Variants in GADL1 observed in about 807,000 individuals in gnomAD.
The protein encoded by GADL1 is acidic amino acid decarboxylase GADL1.
A neutral mutation model predicts 69.5 loss-of-function variants in GADL1; 71 were observed. The ratio of observed to expected loss-of-function variants is 1.02; its 90% CI spans 0.84 to 1.25. The LOEUF (loss-of-function observed/expected upper bound fraction) is 1.25, where lower values mean the gene tolerates loss of function less well. Among genes scored for constraint, GADL1 ranks in the 50% most tolerant of loss-of-function variants. GADL1 has a pLI of 0.00. For missense variants in GADL1, 737 were observed against 631.8 expected, an observed-to-expected ratio of 1.17 and a Z score of -1.79; for synonymous variants, 254 against 214.4, an observed-to-expected ratio of 1.18 and a Z score of -1.62.
In GADL1 at chr3:30,812,865, G is replaced by T. The variant is rs115488204; in HGVS notation, c.1051-11777C>A. 3.3e-3 allele frequency among the ~76,000 whole-genome samples: 507 copies of T among 152,162 alleles called. 1 individual carries two copies. The highest frequency in any genetic ancestry group is 0.012 in the African/African-American group (489 of 41,494). ...CTACAATATGGTAGGATTGGGAGGAGGACAGGAGGAAGGAGAGAAGAGAGA... is the reference window on the plus strand; with the variant it reads ...CTACAATATGGTAGGATTGGGAGGATGACAGGAGGAAGGAGAGAAGAGAGA... On this transcript the variant is annotated intron_variant, in intron 11 of 14. Coordinates refer to ENST00000282538, the MANE Select transcript of GADL1 (RefSeq NM_207359.3).
intron 1 of GADL1, among the ~76,000 whole-genome samples, chr3:30,864,867 G>A (rs545658169): frequency 8.6e-5 from 13 of 151,908 alleles, no homozygotes; most frequent in Non-Finnish European, 1.6e-4. Flanking sequence ...TACTGCAGTA[G>A]CCTCCCAACT....
At chr3:30,780,977 A>G (rs992109390) in intron 13 of GADL1, among the ~76,000 whole-genome samples, 4 of 151,922 alleles carry the variant, frequency 2.6e-5, no homozygotes, top group African/African-American at 4.8e-5. Context: ...TCAAAGCACT[A>G]ATGAGTATTT....
chr3:30,854,258 T>C (rs1464218985), intron 4 of GADL1, among the ~76,000 whole-genome samples: 1 of 152,196 alleles, frequency 6.6e-6, no homozygotes, highest in Admixed American at 6.6e-5. Flanking sequence ...TATGAATACT[T>C]AGAACACTTT....
At chr3:30,762,719 G>T (rs1696168068) in intron 14 of GADL1, among the ~76,000 whole-genome samples, 1 of 151,834 alleles carries the variant, frequency 6.6e-6, no homozygotes, top group Non-Finnish European at 1.5e-5. Context: ...TTTTATTTTG[G>T]ATCCATTAAC....
chr3:30,834,479 C>T lies in GADL1; in HGVS notation c.904-198G>A, dbSNP rs527346761. Among the ~76,000 whole-genome samples, 6 of 152,140 alleles carry T rather than the reference C, an allele frequency of 3.9e-5. No homozygotes were observed. In the East Asian group the frequency reaches 9.7e-4, roughly 25 times the overall value. ...CCAGAACCTCATCACAATAGATGGGCCCTCACTGACCCTTAGAATTATAAA... is the reference window on the plus strand; with the variant it reads ...CCAGAACCTCATCACAATAGATGGGTCCTCACTGACCCTTAGAATTATAAA... On this transcript the variant is annotated intron_variant, in intron 9 of 14. Transcript: ENST00000282538.
At chr3:30,759,604 T>G (rs1219471422) in intron 14 of GADL1, among the ~76,000 whole-genome samples, 4 of 150,606 alleles carry the variant, frequency 2.7e-5, no homozygotes, top group Non-Finnish European at 4.4e-5. Context: ...CTAGGTTTTA[T>G]TCCACATTTT....
chr3:30,808,850 C>T (rs1429885555), intron 11 of GADL1, among the ~76,000 whole-genome samples: 4 of 152,152 alleles, frequency 2.6e-5, no homozygotes, highest in Non-Finnish European at 5.9e-5. Context: ...GTTACAAGTC[C>T]TATGATAAGA....
chr3:30,802,078 T>A (rs546467972), intron 11 of GADL1, among the ~76,000 whole-genome samples: 3 of 152,238 alleles, frequency 2.0e-5, no homozygotes, highest in Non-Finnish European at 4.4e-5. Context: ...ATAGCCTGCC[T>A]TCTTTCCCAG....
chr3:30,732,542 G>C (rs1695473932), intron 14 of GADL1, among the ~76,000 whole-genome samples: 1 of 151,980 alleles, frequency 6.6e-6, no homozygotes, highest in Admixed American at 6.6e-5. Flanking sequence ...CATCGCTGTA[G>C]CACCAAATAG....
intron 1 of GADL1, among the ~76,000 whole-genome samples, chr3:30,893,873 C>CA (rs1698817886): frequency 6.6e-6 from 1 of 152,078 alleles, no homozygotes; most frequent in South Asian, 2.1e-4. Context: ...CAGCACAATT[C>CA]AAAAAAGTTA....
intron 1 of GADL1, among the ~76,000 whole-genome samples, chr3:30,886,540 T>G (rs942609651): frequency 6.6e-6 from 1 of 152,032 alleles, no homozygotes; most frequent in Non-Finnish European, 1.5e-5. Flanking sequence ...TGGGGTGGAA[T>G]AGCAATGTCT....
chr3:30,894,583 A>C lies in GADL1; in HGVS notation c.32T>G (p.Val11Gly). The change falls in exon 1 of 15, where the codon GTG (valine) becomes GGG (glycine). Residue 11 changes from valine (V) to glycine (G), a missense_variant. Transcript: ENST00000282538. MSSDSDRQCP[V>G]DGDIDQQEMI... ...CAGCCGCGCTGAGTCGTTACCGTCCACAGGACACTGGCGGTCCGAGTCGCT... is the reference window on the plus strand; with the variant it reads ...CAGCCGCGCTGAGTCGTTACCGTCCCCAGGACACTGGCGGTCCGAGTCGCT... The C allele has an allele frequency of 6.4e-7, 1 of 1,550,974 alleles. No individual in the cohort carries two copies. Among genetic ancestry groups the C allele is most frequent in the South Asian group, 1.2e-5 (1 of 83,950 alleles).
chr3:30,889,086 A>G (rs13067990), intron 1 of GADL1, among the ~76,000 whole-genome samples: 17 of 110,710 alleles, frequency 1.5e-4, no homozygotes, highest in African/African-American at 7.6e-4. Context: ...GTAATCTATA[A>G]AAAAAAAAAA....
Position 30,728,258 on chromosome 3 carries a change from A to C in GADL1, c.1550T>G (p.Leu517Arg), listed in dbSNP as rs764256396. Residue 517 changes from leucine to arginine, a missense_variant, in exon 15 of 15, where the codon CTG becomes CGG. By Grantham distance (102) the Leu-to-Arg change is moderately radical. Transcript: ENST00000282538. Reference sequence around the variant, plus strand: ...AAGCCACAGCTACATGTCTTTACCCAGTAAGTCTATCTCATCCAGGAGGAA... The same window carrying C: ...AAGCCACAGCTACATGTCTTTACCCCGTAAGTCTATCTCATCCAGGAGGAA... ...MDFLLDEIDL[L>R]GKDM 1 of 1,613,614 alleles carries C rather than the reference A, an allele frequency of 6.2e-7. No individual in the cohort carries two copies. Among genetic ancestry groups the C allele is most frequent in the Non-Finnish European group, 8.5e-7 (1 of 1,179,716 alleles).
At chr3:30,833,998 T>C in intron 10 of GADL1, 64 bp from the exon 11 acceptor site, 1 of 1,113,262 alleles carries the variant, frequency 9.0e-7, no homozygotes, top group Non-Finnish European at 1.4e-6. Flanking sequence ...GGCAATGGAA[T>C]ACTATCATTA....
At chr3:30,777,939 T>C (rs145356263) in intron 14 of GADL1, among the ~76,000 whole-genome samples, 1 of 152,220 alleles carries the variant, frequency 6.6e-6, no homozygotes, top group East Asian at 1.9e-4. Context: ...AAGTACACTG[T>C]GAGCCAGAAC....
At chr3:30,790,108 T>A (rs1050077934) in intron 12 of GADL1, among the ~76,000 whole-genome samples, 2 of 152,192 alleles carry the variant, frequency 1.3e-5, no homozygotes, top group African/African-American at 4.8e-5. Context: ...TCTAGATTAT[T>A]TGAAGTGACA....
intron 14 of GADL1, among the ~76,000 whole-genome samples, chr3:30,754,604 ATAGT>A (rs1470119745): frequency 2.7e-5 from 4 of 147,848 alleles, no homozygotes; most frequent in African/African-American, 1.0e-4. Flanking sequence ...AGTTTGGAAG[ATAGT>A]TGACTGTAAA....
chr3:30,771,291 G>A (rs1458572961), intron 14 of GADL1, among the ~76,000 whole-genome samples: 1 of 152,100 alleles, frequency 6.6e-6, no homozygotes, highest in Non-Finnish European at 1.5e-5. Context: ...GTTGCAGAAT[G>A]GCATAAGAAC....
Sources: gnomAD v4.1 joint callset for allele counts (sites outside exome capture counted in the v4.1 genomes callset) on GRCh38, gnomAD v4.1.1 for gene constraint, MANE v1.5 for transcripts, NCBI Gene and HGNC (gene_info 2026-07-23, HGNC 2026-07-21) for gene names.